The following TEAD1 variants were observed in gnomAD, a reference collection of about 807,000 sequenced individuals.
The protein encoded by TEAD1 is transcriptional enhancer factor TEF-1.
In TEAD1, 9 loss-of-function variants were observed where a neutral mutation model predicts 54.9. That is an observed-to-expected ratio of 0.16 (90% confidence interval 0.10 to 0.29). The LOEUF (loss-of-function observed/expected upper bound fraction) is 0.29. Among genes scored for constraint, TEAD1 ranks in the 10% least tolerant of loss-of-function variants. TEAD1 has a pLI of 1.00. For synonymous variants in TEAD1, 200 were observed against 187.8 expected (o/e 1.07, Z -0.53); for missense variants, 387 against 535.9 (o/e 0.72, Z 2.74).
chr11:12,690,214 C>T (rs1943426064), intron 2 of TEAD1, among the ~76,000 whole-genome samples: 1 of 148,754 alleles, frequency 6.7e-6, no homozygotes, highest in African/African-American at 2.5e-5. Flanking sequence ...TGCACTCCAA[C>T]CTGGGCGACA....
chr11:12,739,028 T>C (rs1183108782), intron 2 of TEAD1, among the ~76,000 whole-genome samples: 2 of 152,128 alleles, frequency 1.3e-5, no homozygotes, highest in Non-Finnish European at 2.9e-5. Context: ...ATGGAGGAAG[T>C]GATAGCTCTG....
chr11:12,675,782 G>A (rs964121074), intron 2 of TEAD1, among the ~76,000 whole-genome samples: 2 of 152,060 alleles, frequency 1.3e-5, no homozygotes, highest in African/African-American at 2.4e-5. Context: ...TTAATGAGTC[G>A]AAAACAATGA....
chr11:12,810,785 C>T (rs1367984970), intron 3 of TEAD1, among the ~76,000 whole-genome samples: 7 of 152,278 alleles, frequency 4.6e-5, no homozygotes, highest in Non-Finnish European at 1.5e-5. Flanking sequence ...GCTATATCTC[C>T]TCCTCCCTGG....
intron 3 of TEAD1, among the ~76,000 whole-genome samples, chr11:12,841,079 G>A (rs1734268378): frequency 6.6e-6 from 1 of 152,236 alleles, no homozygotes; most frequent in Non-Finnish European, 1.5e-5. Flanking sequence ...CATGTGGGAA[G>A]TTACATTATT....
chr11:12,842,768 A>G (rs1201661899), intron 3 of TEAD1, among the ~76,000 whole-genome samples: 2 of 152,210 alleles, frequency 1.3e-5, no homozygotes, highest in Admixed American at 6.5e-5. Context: ...ATGGATTTCA[A>G]ATGAAGGAAG....
At chr11:12,842,704 C>T (rs979251971) in intron 3 of TEAD1, among the ~76,000 whole-genome samples, 1 of 152,062 alleles carries the variant, frequency 6.6e-6, no homozygotes, top group Non-Finnish European at 1.5e-5. Context: ...TTTATGCCTG[C>T]CTGCCTTGTC....
chr11:12,720,221 AAGTT>A (rs1944163295), intron 2 of TEAD1, among the ~76,000 whole-genome samples: 1 of 152,072 alleles, frequency 6.6e-6, no homozygotes, highest in African/African-American at 2.4e-5. Flanking sequence ...AATCATTAAA[AAGTT>A]AGATCTCTAG....
intron 3 of TEAD1, among the ~76,000 whole-genome samples, chr11:12,821,960 C>CTTTTTTTTTTTTTTTT (rs1590184847): frequency 2.6e-5 from 1 of 38,304 alleles, no homozygotes. Context: ...TTTCTCTTTT[C>CTTTTTTTTTTTTTTTT]CTTTTTTTTT....
intron 3 of TEAD1, among the ~76,000 whole-genome samples, chr11:12,852,327 A>G (rs944911693): frequency 6.6e-6 from 1 of 152,152 alleles, no homozygotes; most frequent in East Asian, 1.9e-4. Flanking sequence ...GAAAGAAAAG[A>G]CAAATGCCTG....
chr11:12,715,836 T>C (rs1222233580), intron 2 of TEAD1, among the ~76,000 whole-genome samples: 1 of 152,128 alleles, frequency 6.6e-6, no homozygotes, highest in Admixed American at 6.5e-5. Flanking sequence ...TTTCTGACAT[T>C]CACATTTAAG....
chr11:12,878,552 C>T (rs983193331), intron 5 of TEAD1, among the ~76,000 whole-genome samples: 11 of 152,168 alleles, frequency 7.2e-5, no homozygotes, highest in South Asian at 4.1e-4. Flanking sequence ...CTGTGCCCAC[C>T]GGGCCTGTCT....
intron 2 of TEAD1, among the ~76,000 whole-genome samples, chr11:12,741,418 T>C (rs1455227661): frequency 6.6e-6 from 1 of 152,228 alleles, no homozygotes; most frequent in African/African-American, 2.4e-5. Flanking sequence ...AGGTAGCTAA[T>C]TGGATCTTCA....
chr11:12,904,792 T>C, intron 10 of TEAD1: 1 of 281,128 alleles, frequency 3.6e-6, no homozygotes, highest in Non-Finnish European at 7.4e-6. Context: ...CAAAAGGTCT[T>C]TGAGGTCCTC....
At chr11:12,870,101 A>G (rs1947711189) in intron 5 of TEAD1, among the ~76,000 whole-genome samples, 1 of 152,050 alleles carries the variant, frequency 6.6e-6, no homozygotes, top group African/African-American at 2.4e-5. Context: ...GCTGGTCTCG[A>G]ACTCCTGACC....
intron 4 of TEAD1, among the ~76,000 whole-genome samples, chr11:12,863,628 G>A (rs545270241): frequency 6.6e-6 from 1 of 152,270 alleles, no homozygotes; most frequent in East Asian, 1.9e-4. Context: ...AGTCTGAGTC[G>A]CTGAACTTTT....
intron 2 of TEAD1, among the ~76,000 whole-genome samples, chr11:12,688,076 T>C (rs1943371250): frequency 6.6e-6 from 1 of 152,198 alleles, no homozygotes; most frequent in Non-Finnish European, 1.5e-5. Flanking sequence ...AATGGCCTCA[T>C]GCTGGGGATA....
chr11:12,842,418 C>T (rs768874796), intron 3 of TEAD1, among the ~76,000 whole-genome samples: 14 of 152,162 alleles, frequency 9.2e-5, no homozygotes, highest in African/African-American at 3.1e-4. Context: ...ACTAAGCTTG[C>T]GGGAGTTAGG....
intron 3 of TEAD1, among the ~76,000 whole-genome samples, chr11:12,808,206 A>T (rs11022507): frequency 0.33 from 50,686 of 151,670 alleles, 9,492 homozygotes; most frequent in South Asian, 0.61. Flanking sequence ...CCTTGGGAAT[A>T]ATCAAATACT....
chr11:12,772,035 G>T (rs1299920699), intron 3 of TEAD1, among the ~76,000 whole-genome samples: 1 of 152,178 alleles, frequency 6.6e-6, no homozygotes, highest in African/African-American at 2.4e-5. Context: ...GAGCTGCTGG[G>T]CTAGCTGCAG....
Sources: allele counts gnomAD v4.1 joint callset (sites outside exome capture counted in the v4.1 genomes callset), GRCh38; gene constraint gnomAD v4.1.1; transcripts MANE v1.5; gene names NCBI Gene and HGNC (gene_info 2026-07-23, HGNC 2026-07-21).